The following ADAM10 variants were observed in gnomAD, a reference collection of about 807,000 sequenced individuals.
The protein encoded by ADAM10 is ADAM metallopeptidase domain 10.
Under a neutral mutation model 90.1 loss-of-function variants are expected in ADAM10, and 17 were observed. That is an observed-to-expected ratio of 0.19 (90% confidence interval 0.13 to 0.28). The LOEUF (loss-of-function observed/expected upper bound fraction) is 0.28, where lower values mean the gene tolerates loss of function less well. ADAM10 is among the 10% of genes least tolerant of loss of function. The probability of loss-of-function intolerance (pLI) is 1.00; values close to 1 mark genes in which losing one functional copy is unlikely to be tolerated. For missense variants in ADAM10, 610 were observed against 914.3 expected (o/e 0.67, Z 4.29); for synonymous variants, 310 against 298.6 (o/e 1.04, Z -0.40).
Position 58,592,047 on chromosome 15 carries a change from A to AT in ADAM10, c.*5499dup, listed in dbSNP as rs1200010084. The AT allele has an allele frequency of 1.3e-5, 2 of 152,172 alleles. No individual in the cohort carries two copies. Among genetic ancestry groups the AT allele is most frequent in the Admixed American group, 6.5e-5 (1 of 15,276 alleles). 9.4% of individuals were successfully genotyped at this position (152,172 alleles called of 1,614,324 possible). A position where few individuals can be genotyped will look rare whatever the true frequency, so the allele number is the denominator to read the frequency against. ...GTTTTCCAGAGTCTGGATTTTGCTG[A>AT]TTGAGTCCCTTGTATATTATTTGTC... On this transcript the variant is annotated 3_prime_UTR_variant, in exon 16 of 16. Coordinates refer to ENST00000260408, the MANE Select transcript of ADAM10 (RefSeq NM_001110.4).
rs529964075 is a variant in ADAM10 at position 58,659,195 on chromosome 15, C to G, written c.585+5902G>C. Among the ~76,000 whole-genome samples, 3 of 152,088 alleles carry G rather than the reference C, an allele frequency of 2.0e-5. No individual in the cohort carries two copies. The South Asian group carries it at 6.2e-4, about 32-fold the overall frequency. On this transcript the variant is annotated intron_variant, in intron 5 of 15. Transcript: ENST00000260408. ...AGCTGAGGCAGGAGAATCACTTGAA[C>G]CCGGGAGGTGGAGGTTGCAGTGGGC...
chr15:58,739,936 C>T (rs1324936434), intron 1 of ADAM10, among the ~76,000 whole-genome samples: 1 of 152,168 alleles, frequency 6.6e-6, no homozygotes, highest in Non-Finnish European at 1.5e-5. Context: ...AGTCCACTTC[C>T]TAAGCAATGT....
intron 2 of ADAM10, among the ~76,000 whole-genome samples, chr15:58,701,367 G>A (rs189511113): frequency 3.4e-4 from 52 of 152,070 alleles, no homozygotes; most frequent in Non-Finnish European, 5.9e-4. Flanking sequence ...CATAGAAATG[G>A]CCAAAAGGTA....
chr15:58,692,799 A>G (rs1232464067), intron 2 of ADAM10: 1 of 631,084 alleles, frequency 1.6e-6, no homozygotes, highest in South Asian at 1.4e-5. Context: ...AGGCAGAATA[A>G]AAGCCAACAC....
Position 58,592,499 on chromosome 15 carries a change from A to G in ADAM10, c.*5048T>C, listed in dbSNP as rs943314359. ...GCCTCCTGAATCTTTCTGATCTGGT[A>G]CAAAACAATGTTTCCTAGGTTCTTC... On this transcript the variant is annotated 3_prime_UTR_variant, in exon 16 of 16. Coordinates refer to ENST00000260408, the MANE Select transcript of ADAM10 (RefSeq NM_001110.4). 1 of 152,172 alleles carries G rather than the reference A, an allele frequency of 6.6e-6. No homozygotes were observed. The highest frequency in any genetic ancestry group is 1.5e-5 in the Non-Finnish European group (1 of 68,028). 9.4% of individuals were successfully genotyped at this position (152,172 alleles called of 1,614,324 possible).
chr15:58,720,912 T>C lies in ADAM10; in HGVS notation c.56-3185A>G, dbSNP rs138836747. ...CTGAATTGGATTTAAGTGGTCTGAG[T>C]TGCCATAGCACAAGCTTGGCTTTGC... On this transcript the variant is annotated intron_variant, in intron 1 of 15. Transcript: ENST00000260408. Among the ~76,000 whole-genome samples the C allele has an allele frequency of 2.0e-3, 309 of 152,342 alleles. 1 individual carries two copies. The highest frequency in any genetic ancestry group is 6.9e-3 in the African/African-American group (289 of 41,584).
At chr15:58,688,805 C>A (rs1897688022) in intron 2 of ADAM10, among the ~76,000 whole-genome samples, 1 of 107,792 alleles carries the variant, frequency 9.3e-6, no homozygotes, top group African/African-American at 4.7e-5. Context: ...TCTCACTGGA[C>A]TGACTTAAGA....
chr15:58,680,192 G>A (rs1897391952), intron 3 of ADAM10, among the ~76,000 whole-genome samples: 1 of 152,096 alleles, frequency 6.6e-6, no homozygotes, highest in African/African-American at 2.4e-5. Context: ...ACGAGCTCAT[G>A]GCTCTGTGCA....
At chr15:58,737,328 CT>C (rs1159635454) in intron 1 of ADAM10, among the ~76,000 whole-genome samples, 1 of 152,090 alleles carries the variant, frequency 6.6e-6, no homozygotes, top group Non-Finnish European at 1.5e-5. Flanking sequence ...CTTTTCTCCC[CT>C]CAAATGTAAA....
At chr15:58,700,083 C>A (rs1898087968) in intron 2 of ADAM10, among the ~76,000 whole-genome samples, 1 of 152,068 alleles carries the variant, frequency 6.6e-6, no homozygotes. Context: ...TACAGAGCAC[C>A]CATTACGTAA....
intron 5 of ADAM10, among the ~76,000 whole-genome samples, chr15:58,661,094 T>C (rs1412146415): frequency 4.6e-5 from 7 of 152,270 alleles, no homozygotes; most frequent in African/African-American, 1.7e-4. Context: ...TCTATTCTTC[T>C]TTCTCTTGTC....
chr15:58,731,502 CTTG>C (rs1218760549), intron 1 of ADAM10, among the ~76,000 whole-genome samples: 2 of 152,154 alleles, frequency 1.3e-5, no homozygotes, highest in African/African-American at 2.4e-5. Flanking sequence ...GTGGCACACA[CTTG>C]TTGTCCCAGC....
chr15:58,612,027 C>T, intron 11 of ADAM10, 36 bp from the exon 12 acceptor site: 2 of 1,583,100 alleles, frequency 1.3e-6, no homozygotes, highest in Non-Finnish European at 1.7e-6. Context: ...CAAAGTAAAT[C>T]ACTAGTTATT....
rs1555418398 is a variant in ADAM10 at position 58,689,952 on chromosome 15, C to CCCA, written c.207-7639_207-7638insTGG. 5.1e-3 allele frequency among the ~76,000 whole-genome samples: 558 copies of CCCA among 108,840 alleles called. 16 individuals carry two copies. Among genetic ancestry groups the CCCA allele is most frequent in the Non-Finnish European group, 7.8e-3 (409 of 52,246 alleles). The allele number at this position is 108,840 out of a possible 152,430, so 71.4% of individuals were successfully genotyped here. A position where few individuals can be genotyped will look rare whatever the true frequency, so the allele number is the denominator to read the frequency against. On this transcript the variant is annotated intron_variant, in intron 2 of 15. Transcript: ENST00000260408. ...TCCAAAACCAAAGACAGACCCCCCCCAAAAAAAAAAAAAAAAGACTGATAT... is the reference window on the plus strand; with the variant it reads ...TCCAAAACCAAAGACAGACCCCCCCCCCAAAAAAAAAAAAAAAAAGACTGATAT...
At chr15:58,691,976 G>A (rs1429830463) in intron 2 of ADAM10, 7 of 436,694 alleles carry the variant, frequency 1.6e-5, no homozygotes, top group East Asian at 7.0e-5. Flanking sequence ...ATGCCCAGCC[G>A]GCATTTCTTA....
chr15:58,727,293 T>A (rs889581136), intron 1 of ADAM10, among the ~76,000 whole-genome samples: 1 of 150,002 alleles, frequency 6.7e-6, no homozygotes, highest in Non-Finnish European at 1.5e-5. Flanking sequence ...CAGGTTCAAG[T>A]GATTCTCCTG....
At chr15:58,698,247 T>C (rs1449120042) in intron 2 of ADAM10, 2 of 443,980 alleles carry the variant, frequency 4.5e-6, no homozygotes, top group Admixed American at 5.0e-5. Context: ...TACTAAGAAA[T>C]CATAAAATTT....
intron 11 of ADAM10, among the ~76,000 whole-genome samples, chr15:58,618,591 G>A (rs148256114): frequency 0.011 from 1,633 of 152,256 alleles, 24 homozygotes; most frequent in Non-Finnish European, 0.014. Context: ...TGCTGAATGG[G>A]AGAAAACATT....
chr15:58,669,924 C>G (rs1445844915), intron 4 of ADAM10, among the ~76,000 whole-genome samples: 2 of 152,032 alleles, frequency 1.3e-5, no homozygotes, highest in African/African-American at 4.8e-5. Flanking sequence ...AAAGTGCAAA[C>G]TAACCTAGAG....
Sources: allele counts gnomAD v4.1 joint callset (sites outside exome capture counted in the v4.1 genomes callset), GRCh38; gene constraint gnomAD v4.1.1; transcripts MANE v1.5; gene names NCBI Gene and HGNC (gene_info 2026-07-23, HGNC 2026-07-21).